The following HIVEP3 variants were observed in gnomAD, a reference collection of about 807,000 sequenced individuals.
HIVEP3 encodes the protein transcription factor HIVEP3.
A neutral mutation model predicts 152.8 loss-of-function variants in HIVEP3; 49 were observed. The ratio of observed to expected loss-of-function variants is 0.32; its 90% CI spans 0.26 to 0.41. The LOEUF (loss-of-function observed/expected upper bound fraction) is 0.41, where lower values mean the gene tolerates loss of function less well. Ranked by LOEUF, HIVEP3 falls within the 10% of genes least tolerant of loss-of-function variation. HIVEP3 has a pLI of 1.00. For synonymous variants in HIVEP3, 1,269 were observed against 1,289.0 expected, an observed-to-expected ratio of 0.98 and a Z score of 0.33; for missense variants, 2,790 against 3,103.3, an observed-to-expected ratio of 0.90 and a Z score of 2.40.
upstream of HIVEP3, among the ~76,000 whole-genome samples, chr1:41,920,949 A>C (rs947336657): frequency 2.6e-5 from 4 of 152,190 alleles, no homozygotes; most frequent in Admixed American, 6.5e-5. Flanking sequence ...ACTAAACTCT[A>C]TCTCTCTGTC....
chr1:41,929,726 T>TATATATATATATATATATAGA (rs1553135852), intron 1 of HIVEP3, among the ~76,000 whole-genome samples: 1 of 112,810 alleles, frequency 8.9e-6, no homozygotes, highest in Non-Finnish European at 1.7e-5. Flanking sequence ...ATATGTGTTT[T>TATATATATATATATATATAGA]TATATATATA....
At position 41,583,845 on chromosome 1, in the gene HIVEP3, C is replaced by A; in HGVS notation, c.953G>T (p.Ser318Ile). ...SSGLYSSGSH[S>I]SSHERCSLSQ... ...CAGGGAACAGCGTTCGTGGCTGGAA[C>A]TGTGGCTCCCAGAGCTGTATAGCCC... The change falls in exon 4 of 9, where the codon AGT becomes ATT. Residue 318 changes from serine to isoleucine, a missense_variant. Coordinates refer to ENST00000372583, the MANE Select transcript of HIVEP3 (RefSeq NM_024503.5). The surrounding 1 kb of genome is among the most constrained non-coding windows in gnomAD (Gnocchi z 6.9). The A allele has an allele frequency of 6.2e-7, 1 of 1,609,608 alleles. No individual in the cohort carries two copies.
At chr1:41,647,114 C>A (rs550897355) in intron 2 of HIVEP3, among the ~76,000 whole-genome samples, 7 of 152,202 alleles carry the variant, frequency 4.6e-5, no homozygotes, top group Non-Finnish European at 1.0e-4. Context: ...AGGACAATCA[C>A]CCTACTCTAA....
chr1:41,982,236 A>G (rs978895405), intron 1 of HIVEP3, among the ~76,000 whole-genome samples: 1 of 152,244 alleles, frequency 6.6e-6, no homozygotes, highest in Admixed American at 6.5e-5. Context: ...CTGAATGACA[A>G]CTAAAGTTTC....
chr1:41,691,282 A>G (rs1247551100), intron 2 of HIVEP3, among the ~76,000 whole-genome samples: 6 of 152,368 alleles, frequency 3.9e-5, no homozygotes, highest in African/African-American at 1.4e-4. Flanking sequence ...GACTGATCAT[A>G]TCATATGTAC....
chr1:41,720,588 C>T (rs1646660531), intron 1 of HIVEP3, among the ~76,000 whole-genome samples: 1 of 152,212 alleles, frequency 6.6e-6, no homozygotes, highest in Non-Finnish European at 1.5e-5. Context: ...AACACTTGTG[C>T]ACTGCTGGTA....
At chr1:41,516,847 C>T (rs893540599) in intron 7 of HIVEP3, among the ~76,000 whole-genome samples, 1 of 152,258 alleles carries the variant, frequency 6.6e-6, no homozygotes, top group Non-Finnish European at 1.5e-5. Flanking sequence ...TCACACCGCC[C>T]TGTCTAGCAC....
intron 2 of HIVEP3, among the ~76,000 whole-genome samples, chr1:41,631,627 C>T (rs897235305): frequency 3.3e-5 from 5 of 152,064 alleles, no homozygotes; most frequent in Non-Finnish European, 5.9e-5. Flanking sequence ...GTACCTGCTG[C>T]TATGAAACCC....
At chr1:41,671,065 C>G (rs1645867776) in intron 2 of HIVEP3, among the ~76,000 whole-genome samples, 1 of 152,172 alleles carries the variant, frequency 6.6e-6, no homozygotes, top group Non-Finnish European at 1.5e-5. Flanking sequence ...CCAGACACCC[C>G]CAAGCAAAGG....
intron 2 of HIVEP3, among the ~76,000 whole-genome samples, chr1:41,655,981 A>G (rs1645623274): frequency 6.6e-6 from 1 of 152,226 alleles, no homozygotes; most frequent in Admixed American, 6.5e-5. Context: ...GAGCAAAGCT[A>G]TTTGGTAAGC....
At chr1:41,790,923 A>G (rs915691536) in intron 1 of HIVEP3, among the ~76,000 whole-genome samples, 3 of 152,156 alleles carry the variant, frequency 2.0e-5, no homozygotes, top group Non-Finnish European at 4.4e-5. Context: ...ACATTGGTGT[A>G]TAGACTGATC....
At chr1:41,989,582 G>C (rs1173070837) in intron 1 of HIVEP3, among the ~76,000 whole-genome samples, 2 of 152,088 alleles carry the variant, frequency 1.3e-5, no homozygotes, top group East Asian at 3.8e-4. Context: ...ACTAAGGAAA[G>C]GGAAAAAGGC....
chr1:41,961,969 A>T (rs1645172088), intron 1 of HIVEP3, among the ~76,000 whole-genome samples: 1 of 152,270 alleles, frequency 6.6e-6, no homozygotes, highest in African/African-American at 2.4e-5. Context: ...CAATGGATAG[A>T]TAGAAAATAT....
At chr1:41,940,892 G>T (rs545341207) in intron 1 of HIVEP3, among the ~76,000 whole-genome samples, 1 of 151,632 alleles carries the variant, frequency 6.6e-6, no homozygotes, top group South Asian at 2.1e-4. Context: ...GGGAGGGAGC[G>T]GGGGAGAGAG....
intron 1 of HIVEP3, among the ~76,000 whole-genome samples, chr1:41,902,478 C>T (rs1644641628): frequency 6.6e-6 from 1 of 152,184 alleles, no homozygotes; most frequent in Admixed American, 6.5e-5. Flanking sequence ...CCCCCACTGC[C>T]AGGGCAAGGT....
chr1:41,843,910 G>C (rs648201), intron 1 of HIVEP3, among the ~76,000 whole-genome samples: 93,718 of 150,798 alleles, frequency 0.62, 30,588 homozygotes, highest in African/African-American at 0.81. Context: ...TCCCCCCTCC[G>C]TGTGTGGGGC....
intron 2 of HIVEP3, among the ~76,000 whole-genome samples, chr1:41,650,231 G>A (rs1451507002): frequency 6.6e-6 from 1 of 152,092 alleles, no homozygotes; most frequent in African/African-American, 2.4e-5. Flanking sequence ...AATGGGAGGG[G>A]TGGGTCCTTT....
chr1:41,659,357 C>T (rs1426451801), intron 2 of HIVEP3, among the ~76,000 whole-genome samples: 2 of 152,212 alleles, frequency 1.3e-5, no homozygotes, highest in African/African-American at 2.4e-5. Context: ...TGAGTTTCTT[C>T]AGAGTGTATA....
chr1:41,885,218 T>C (rs1644326069), intron 1 of HIVEP3, among the ~76,000 whole-genome samples: 1 of 152,170 alleles, frequency 6.6e-6, no homozygotes, highest in South Asian at 2.1e-4. Context: ...TTCTGACCAC[T>C]CAAAGTACCC....
Sources: allele counts gnomAD v4.1 joint callset (sites outside exome capture counted in the v4.1 genomes callset), GRCh38; gene constraint gnomAD v4.1.1; non-coding constraint Gnocchi (gnomAD v3.1); transcripts MANE v1.5; gene names NCBI Gene and HGNC (gene_info 2026-07-23, HGNC 2026-07-21).